Variants in RIMS1 observed in about 807,000 individuals in gnomAD.
The protein encoded by RIMS1 is regulating synaptic membrane exocytosis 1.
A neutral mutation model predicts 214.1 loss-of-function variants in RIMS1; 83 were observed. The ratio of observed to expected loss-of-function variants is 0.39; its 90% CI spans 0.32 to 0.47. The LOEUF (loss-of-function observed/expected upper bound fraction) is 0.47. Ranked by LOEUF, RIMS1 falls within the 20% of genes least tolerant of loss-of-function variation. The pLI, the probability that RIMS1 is intolerant of heterozygous loss-of-function variation, is 0.99. For synonymous variants in RIMS1, 793 were observed against 786.8 expected (o/e 1.01, Z -0.13); for missense variants, 2,050 against 2,161.8 (o/e 0.95, Z 1.03).
chr6:72,057,838 C>T (rs371963382), intron 2 of RIMS1, among the ~76,000 whole-genome samples: 76 of 152,278 alleles, frequency 5.0e-4, no homozygotes, highest in African/African-American at 1.8e-3. Flanking sequence ...AAAAATATCC[C>T]AACAGAAACT....
chr6:72,400,055 C>A (rs1455713432), intron 33 of RIMS1, among the ~76,000 whole-genome samples: 1 of 152,186 alleles, frequency 6.6e-6, no homozygotes, highest in Admixed American at 6.5e-5. Flanking sequence ...TTTGTACATA[C>A]TTTCTGGTAC....
At chr6:72,009,811 C>A (rs985226660) in intron 2 of RIMS1, among the ~76,000 whole-genome samples, 16 of 152,092 alleles carry the variant, frequency 1.1e-4, no homozygotes, top group Admixed American at 1.3e-4. Flanking sequence ...CAATAACAGG[C>A]TCTGAAATTG....
chr6:71,984,873 A>T (rs1799497316), intron 2 of RIMS1, among the ~76,000 whole-genome samples: 1 of 151,884 alleles, frequency 6.6e-6, no homozygotes, highest in Non-Finnish European at 1.5e-5. Flanking sequence ...TAAGCTGATG[A>T]GGGTGGTATA....
At chr6:72,109,644 T>C (rs1438346816) in intron 4 of RIMS1, among the ~76,000 whole-genome samples, 1 of 152,160 alleles carries the variant, frequency 6.6e-6, no homozygotes, top group Non-Finnish European at 1.5e-5. Flanking sequence ...TCTCCCATTT[T>C]GTAGGTTGCC....
intron 2 of RIMS1, among the ~76,000 whole-genome samples, chr6:71,979,434 A>G (rs1797955081): frequency 6.6e-6 from 1 of 152,092 alleles, no homozygotes; most frequent in African/African-American, 2.4e-5. Flanking sequence ...TGAACTCTAG[A>G]CCTGAAAATC....
At chr6:72,148,302 T>G (rs557531975) in intron 4 of RIMS1, among the ~76,000 whole-genome samples, 8 of 152,316 alleles carry the variant, frequency 5.3e-5, no homozygotes, top group African/African-American at 1.4e-4. Context: ...TGAAGATGTT[T>G]GGTTAACCAT....
chr6:72,217,266 A>G, intron 6 of RIMS1: 3 of 1,504,080 alleles, frequency 2.0e-6, no homozygotes, highest in South Asian at 1.2e-5. Flanking sequence ...ATATTAATCT[A>G]TGGATAAATG....
At chr6:72,190,540 T>TC (rs1342607386) in intron 6 of RIMS1, among the ~76,000 whole-genome samples, 14 of 151,570 alleles carry the variant, frequency 9.2e-5, no homozygotes, top group Admixed American at 2.6e-4. Flanking sequence ...CTGTCCGCCT[T>TC]CATTTGGTGC....
intron 7 of RIMS1, 129 bp downstream of exon 7, chr6:72,233,969 G>A (rs2063056807): frequency 5.4e-6 from 3 of 555,816 alleles, no homozygotes; most frequent in East Asian, 3.0e-5. Flanking sequence ...ATTTAAGATA[G>A]TACAATTTTG....
At chr6:72,237,239 AGG>A (rs1253541268) in intron 8 of RIMS1, among the ~76,000 whole-genome samples, 2 of 151,154 alleles carry the variant, frequency 1.3e-5, no homozygotes, top group African/African-American at 4.9e-5. Flanking sequence ...GAAAAAAAAA[AGG>A]AAGGAAGGAA....
intron 10 of RIMS1, among the ~76,000 whole-genome samples, chr6:72,243,082 C>A (rs1484476591): frequency 1.3e-5 from 2 of 151,530 alleles, no homozygotes; most frequent in Non-Finnish European, 3.0e-5. Context: ...CCCACATGGT[C>A]CAAAATAAAT....
chr6:72,095,242 C>T (rs948389139), intron 2 of RIMS1, among the ~76,000 whole-genome samples: 2 of 150,602 alleles, frequency 1.3e-5, no homozygotes, highest in Non-Finnish European at 1.5e-5. Flanking sequence ...GGATTACAGG[C>T]GTGAGCCACC....
At chr6:71,909,562 A>C (rs1025395565) in intron 1 of RIMS1, among the ~76,000 whole-genome samples, 7 of 152,120 alleles carry the variant, frequency 4.6e-5, no homozygotes, top group African/African-American at 1.7e-4. Flanking sequence ...AGAATGTTTT[A>C]TTCATTTTAA....
intron 6 of RIMS1, among the ~76,000 whole-genome samples, chr6:72,202,585 A>G (rs540725686): frequency 5.9e-5 from 9 of 152,156 alleles, no homozygotes; most frequent in Non-Finnish European, 1.0e-4. Flanking sequence ...ATGAGTTTGG[A>G]GGGGGACATA....
intron 2 of RIMS1, among the ~76,000 whole-genome samples, chr6:72,083,666 A>C (rs1420008007): frequency 1.3e-5 from 2 of 152,190 alleles, no homozygotes; most frequent in African/African-American, 4.8e-5. Flanking sequence ...ATCTATGTCT[A>C]CGTATAATAA....
At chr6:72,330,866 A>G (rs570421882) in intron 28 of RIMS1, among the ~76,000 whole-genome samples, 3 of 151,800 alleles carry the variant, frequency 2.0e-5, no homozygotes, top group African/African-American at 7.2e-5. Flanking sequence ...TTTTCATTGA[A>G]TATTATAATA....
At chr6:71,987,720 A>G (rs542626059) in intron 2 of RIMS1, among the ~76,000 whole-genome samples, 16 of 152,256 alleles carry the variant, frequency 1.1e-4, no homozygotes, top group African/African-American at 3.4e-4. Flanking sequence ...AAACAAAGAT[A>G]TGTAGACTGG....
At chr6:72,330,643 C>T (rs1244807550) in intron 28 of RIMS1, among the ~76,000 whole-genome samples, 2 of 151,672 alleles carry the variant, frequency 1.3e-5, no homozygotes, top group African/African-American at 2.4e-5. Context: ...CTTTATAAAG[C>T]AGAAAACCTT....
intron 29 of RIMS1, among the ~76,000 whole-genome samples, chr6:72,383,878 T>TA (rs538673095): frequency 1.4e-4 from 21 of 151,980 alleles, no homozygotes; most frequent in Non-Finnish European, 2.2e-4. Context: ...ACCTCAAAAA[T>TA]AAAAAAAATA....
Sources: allele counts gnomAD v4.1 joint callset (sites outside exome capture counted in the v4.1 genomes callset), GRCh38; gene constraint gnomAD v4.1.1; transcripts MANE v1.5; gene names NCBI Gene and HGNC (gene_info 2026-07-23, HGNC 2026-07-21).